SREBF2: variants seen among roughly 807,000 people sequenced by gnomAD.
The protein encoded by SREBF2 is sterol regulatory element-binding protein 2.
Under a neutral mutation model 113.1 loss-of-function variants are expected in SREBF2, and 55 were observed. The observed-to-expected ratio is 0.49, with a 90% CI of 0.39 to 0.61. The LOEUF is 0.61. Among genes scored for constraint, SREBF2 ranks in the 20% least tolerant of loss-of-function variants. SREBF2 has a pLI of 0.00. For missense variants in SREBF2, 1,349 were observed against 1,487.4 expected, an observed-to-expected ratio of 0.91 and a Z score of 1.53; for synonymous variants, 593 against 605.7, an observed-to-expected ratio of 0.98 and a Z score of 0.31.
intron 1 of SREBF2, among the ~76,000 whole-genome samples, chr22:41,841,860 A>G (rs1331075182): frequency 6.6e-6 from 1 of 152,240 alleles, no homozygotes; most frequent in Non-Finnish European, 1.5e-5. Context: ...CATATAATCT[A>G]ATGTGATCCA....
At chr22:41,886,342 G>A (rs1278634168) in intron 11 of SREBF2, 1 of 152,306 alleles carries the variant, frequency 6.6e-6, no homozygotes, top group Admixed American at 6.5e-5. Flanking sequence ...GGGAAGTCAG[G>A]GTGGGCTTTC....
At chr22:41,872,773 C>T (rs2077158323) in intron 4 of SREBF2, among the ~76,000 whole-genome samples, 1 of 151,886 alleles carries the variant, frequency 6.6e-6, no homozygotes, top group South Asian at 2.1e-4. Flanking sequence ...TGCCTGTATT[C>T]CCAGCTACTC....
At chr22:41,904,830 G>T (rs778513924) in intron 17 of SREBF2, 33 bp from the exon 18 acceptor site, 13 of 1,515,072 alleles carry the variant, frequency 8.6e-6, no homozygotes, top group African/African-American at 2.7e-5. Context: ...GGGGACCAGG[G>T]GTGTGATGGA....
intron 1 of SREBF2, among the ~76,000 whole-genome samples, chr22:41,845,803 G>A (rs569239406): frequency 6.6e-6 from 1 of 152,334 alleles, no homozygotes; most frequent in South Asian, 2.1e-4. Flanking sequence ...CTAGGAATAT[G>A]TGTGTCAGAG....
intron 1 of SREBF2, among the ~76,000 whole-genome samples, chr22:41,851,883 G>T (rs1466502235): frequency 1.3e-5 from 2 of 151,976 alleles, no homozygotes; most frequent in African/African-American, 2.4e-5. Flanking sequence ...CACTTTGTGG[G>T]GCCAAGGGGG....
chr22:41,854,902 T>G (rs1365572760), intron 1 of SREBF2, among the ~76,000 whole-genome samples: 1 of 151,596 alleles, frequency 6.6e-6, no homozygotes, highest in Non-Finnish European at 1.5e-5. Context: ...AAATAAAATT[T>G]ATTTATTTAG....
chr22:41,900,133 G>T, intron 15 of SREBF2, 197 bp from the exon 16 acceptor site: 1 of 1,476,936 alleles, frequency 6.8e-7, no homozygotes, highest in Non-Finnish European at 9.0e-7. Context: ...GTGCTAAAGG[G>T]TGGGGCGCTA....
At chr22:41,893,888 T>A (rs2077386922) in intron 12 of SREBF2, among the ~76,000 whole-genome samples, 1 of 152,182 alleles carries the variant, frequency 6.6e-6, no homozygotes, top group Non-Finnish European at 1.5e-5. Flanking sequence ...TCAGTGGCTG[T>A]CTGCTTTCTG....
rs898863583 is a variant in SREBF2, at chr22:41,905,112, C to T, written c.3205+138C>T. On this transcript the variant is annotated intron_variant, in intron 18 of 18. Transcript: ENST00000361204. ...CTCGCCTCTCTGAGAATGAAAGAAG[C>T]CCGAGGCCGCCCTTGGTGGGTTGCA... The T allele has an allele frequency of 7.0e-6, 6 of 862,962 alleles. No individual in the cohort carries two copies. In the African/African-American group the frequency reaches 1.0e-4, roughly 15 times the overall value. 53.5% of individuals were successfully genotyped at this position (862,962 alleles called of 1,614,324 possible). A position where few individuals can be genotyped will look rare whatever the true frequency, so the allele number is the denominator to read the frequency against.
chr22:41,895,428 G>C (rs1306391983), intron 13 of SREBF2, among the ~76,000 whole-genome samples: 1 of 147,286 alleles, frequency 6.8e-6, no homozygotes, highest in East Asian at 2.0e-4. Context: ...ACCATGCCCA[G>C]GCCTTTTTTT....
intron 1 of SREBF2, among the ~76,000 whole-genome samples, chr22:41,852,081 A>G (rs1205067643): frequency 6.6e-6 from 1 of 152,068 alleles, no homozygotes; most frequent in East Asian, 1.9e-4. Context: ...AGATTGTGCC[A>G]CTGCACTCCA....
intron 10 of SREBF2, among the ~76,000 whole-genome samples, chr22:41,883,614 T>G (rs562770236): frequency 6.6e-6 from 1 of 152,350 alleles, no homozygotes; most frequent in South Asian, 2.1e-4. Flanking sequence ...TGTGAGGCAC[T>G]GAGGGGACAG....
chr22:41,883,578 C>G (rs1215199211), intron 10 of SREBF2, among the ~76,000 whole-genome samples: 2 of 152,210 alleles, frequency 1.3e-5, no homozygotes, highest in African/African-American at 4.8e-5. Context: ...GTCACTCATT[C>G]CTTCCATACT....
intron 8 of SREBF2, 50 bp downstream of exon 8, chr22:41,877,471 A>G: frequency 6.3e-7 from 1 of 1,595,594 alleles, no homozygotes. Context: ...CCACTATGGC[A>G]GGAGAAGGAC....
intron 11 of SREBF2, chr22:41,891,521 GTCT>G (rs940120520): frequency 1.3e-5 from 2 of 152,200 alleles, no homozygotes; most frequent in Non-Finnish European, 2.9e-5. Context: ...GAGAGAGATA[GTCT>G]TCTCTGTCTG....
In SREBF2 at chr22:41,850,449, CA is replaced by C. The variant is rs766008584; in HGVS notation, c.89-16367del. On this transcript the variant is annotated intron_variant, in intron 1 of 18. Transcript: ENST00000361204. ...CTGGCAACAGAGCGAGACTCCATCTCAAAAAAAAAAAAAAAGTAATGACATG... is the reference window on the plus strand; with the variant it reads ...CTGGCAACAGAGCGAGACTCCATCTCAAAAAAAAAAAAAAGTAATGACATG... Among the ~76,000 whole-genome samples the C allele has an allele frequency of 3.2e-3, 392 of 124,052 alleles. 4 individuals carry two copies. Among genetic ancestry groups the C allele is most frequent in the South Asian group, 0.016 (63 of 3,950 alleles). 81.4% of individuals were successfully genotyped at this position (124,052 alleles called of 152,430 possible).
intron 11 of SREBF2, among the ~76,000 whole-genome samples, chr22:41,890,323 A>G (rs2077347625): frequency 6.6e-6 from 1 of 152,236 alleles, no homozygotes; most frequent in South Asian, 2.1e-4. Flanking sequence ...CTGAGGCTGC[A>G]TGCTCTCCCC....
In SREBF2 at chr22:41,867,298, A is replaced by G. The variant is rs1361592480; in HGVS notation, c.538+18A>G. 1 of 1,613,694 alleles carries G rather than the reference A, an allele frequency of 6.2e-7. No individual in the cohort carries two copies. The highest frequency in any genetic ancestry group is 1.1e-5 in the South Asian group (1 of 91,050). On this transcript the variant is annotated intron_variant, in intron 2 of 18. Coordinates refer to ENST00000361204, the MANE Select transcript of SREBF2 (RefSeq NM_004599.4). ...CTTTCAAGGTGATTCAGAAGTTAGA[A>G]TGGTAGTGGTTGGTTGGTTCCAATG...
chr22:41,868,914 C>T lies in SREBF2; in HGVS notation c.720+122C>T, dbSNP rs556273310. The T allele has an allele frequency of 4.2e-5, 53 of 1,263,994 alleles. No individual in the cohort carries two copies. The Middle Eastern group carries it at 7.9e-4, about 19-fold the overall frequency. 78.3% of individuals were successfully genotyped at this position (1,263,994 alleles called of 1,614,324 possible). A position where few individuals can be genotyped will look rare whatever the true frequency, so the allele number is the denominator to read the frequency against. ...AGTGTACACAAAGCAGCTTGTAGGG[C>T]GCCAGGATGCACCTGTGAGCAGCGT... On this transcript the variant is annotated intron_variant, in intron 3 of 18. Transcript: ENST00000361204.
Sources: allele counts gnomAD v4.1 joint callset (sites outside exome capture counted in the v4.1 genomes callset), GRCh38; gene constraint gnomAD v4.1.1; transcripts MANE v1.5; gene names NCBI Gene and HGNC (gene_info 2026-07-23, HGNC 2026-07-21).